The following ZPLD1 variants were observed in gnomAD, a reference collection of about 807,000 sequenced individuals.
The protein encoded by ZPLD1 is zona pellucida-like domain-containing protein 1.
Under a neutral mutation model 47.2 loss-of-function variants are expected in ZPLD1, and 34 were observed. The observed-to-expected ratio is 0.72, with a 90% CI of 0.55 to 0.96. The LOEUF is 0.96. Ranked by LOEUF, ZPLD1 falls within the 40% of genes least tolerant of loss-of-function variation. The pLI, the probability that ZPLD1 is intolerant of heterozygous loss-of-function variation, is 0.00. For missense variants in ZPLD1, 512 were observed against 505.8 expected (o/e 1.01, Z -0.12); for synonymous variants, 176 against 186.2 (o/e 0.95, Z 0.45).
chr3:102,424,821 A>C lies in ZPLD1; in HGVS notation c.-9+6614A>C, dbSNP rs374620947. 1.5e-4 allele frequency among the ~76,000 whole-genome samples: 23 copies of C among 152,258 alleles called. No homozygotes were observed. In the South Asian group the frequency reaches 4.8e-3, roughly 32 times the overall value. On this transcript the variant is annotated intron_variant, in intron 8 of 17. Transcript: ENST00000491959. ...TTTCTATTTGCTCCTATACTATGCAATCCTATTCTATTTCATGAAAAATGC... is the reference window on the plus strand; with the variant it reads ...TTTCTATTTGCTCCTATACTATGCACTCCTATTCTATTTCATGAAAAATGC...
In ZPLD1 at chr3:102,468,999, A is replaced by G. The variant is rs1263407885; in HGVS notation, c.797A>G (p.Asn266Ser). 1.2e-6 allele frequency: 2 copies of G among 1,614,008 alleles called. No homozygotes were observed. The highest frequency in any genetic ancestry group is 1.7e-6 in the Non-Finnish European group (2 of 1,179,968). ...DKDPQTTVIE[N>S]GRSQRGRFSF... ...GACCCTCAGACCACCGTCATTGAGAATGGCCGAAGCCAGCGGGGCCGGTTT... is the reference window on the plus strand; with the variant it reads ...GACCCTCAGACCACCGTCATTGAGAGTGGCCGAAGCCAGCGGGGCCGGTTT... Residue 266 changes from asparagine to serine, a missense_variant, in exon 9 of 12, where the codon AAT becomes AGT. By Grantham distance (46) the Asn-to-Ser change is conservative. Coordinates refer to ENST00000466937, the MANE Select transcript of ZPLD1 (RefSeq NM_001329788.2).
chr3:102,402,501 A>G (rs528916448), intron 7 of ZPLD1, among the ~76,000 whole-genome samples: 6 of 152,182 alleles, frequency 3.9e-5, no homozygotes, highest in African/African-American at 1.4e-4. Context: ...TGAGGATCTC[A>G]GAAATACAGT....
At position 102,415,230 on chromosome 3, in the gene ZPLD1, A is replaced by G. The variant is rs1038817834; in HGVS notation, c.-156-2830A>G. Reference sequence around the variant, plus strand: ...TTTTGTAAGTAACTGAAAAGCCTATAGCTCTCCTATAATTTAGCTCTGCAG... The same window carrying G: ...TTTTGTAAGTAACTGAAAAGCCTATGGCTCTCCTATAATTTAGCTCTGCAG... On this transcript the variant is annotated intron_variant, in intron 7 of 17. Transcript: ENST00000491959. Among the ~76,000 whole-genome samples, 33 of 151,852 alleles carry G rather than the reference A, an allele frequency of 2.2e-4. 1 individual carries two copies. Among genetic ancestry groups the G allele is most frequent in the Non-Finnish European group, 2.9e-5 (2 of 67,880 alleles).
At position 102,477,456 on chromosome 3, in the gene ZPLD1, G is replaced by A. The variant is rs140417136; in HGVS notation, c.1086G>A (p.Met362Ile). Residue 362 changes from methionine to isoleucine, a missense_variant, in exon 12 of 12, where the codon ATG becomes ATA. Met to Ile is a conservative substitution (Grantham distance 10). Transcript: ENST00000466937. ...TATTATTTGCAGGTTCTCCAAGTAT[G>A]CCTCCCTTCCAGCTGAACGCCATCA... ...TNNSQLGSPS[M>I]PPFQLNAITS... 3.7e-6 allele frequency: 6 copies of A among 1,612,000 alleles called. No individual in the cohort carries two copies. The highest frequency in any genetic ancestry group is 5.1e-6 in the Non-Finnish European group (6 of 1,179,276).
At chr3:102,456,750 T>G (rs915083612) in intron 5 of ZPLD1, among the ~76,000 whole-genome samples, 2 of 152,210 alleles carry the variant, frequency 1.3e-5, no homozygotes, top group East Asian at 3.8e-4. Flanking sequence ...GTCTCCAGTG[T>G]GTACGACATT....
chr3:102,425,711 T>G (rs974320016), intron 8 of ZPLD1, among the ~76,000 whole-genome samples: 4 of 152,120 alleles, frequency 2.6e-5, no homozygotes, highest in African/African-American at 9.7e-5. Context: ...TATAATTTTC[T>G]TAGATTATGT....
chr3:102,458,478 A>G (rs1707453777), intron 6 of ZPLD1, among the ~76,000 whole-genome samples: 1 of 152,236 alleles, frequency 6.6e-6, no homozygotes, highest in Non-Finnish European at 1.5e-5. Flanking sequence ...ATTTTTATTC[A>G]TACATTTTAA....
chr3:102,393,941 C>A (rs1706529920), intron 7 of ZPLD1, among the ~76,000 whole-genome samples: 1 of 152,060 alleles, frequency 6.6e-6, no homozygotes, highest in African/African-American at 2.4e-5. Flanking sequence ...TTGAAAATTG[C>A]TGTGGAGCTT....
intron 10 of ZPLD1, among the ~76,000 whole-genome samples, chr3:102,473,101 A>G (rs1707709307): frequency 6.6e-6 from 1 of 152,222 alleles, no homozygotes; most frequent in Non-Finnish European, 1.5e-5. Context: ...TTATGAGAAC[A>G]GCATGGGAAA....
At chr3:102,388,012 C>A (rs1384984549) in intron 6 of ZPLD1, among the ~76,000 whole-genome samples, 2 of 152,036 alleles carry the variant, frequency 1.3e-5, no homozygotes, top group African/African-American at 4.8e-5. Context: ...AGGCGCCCGC[C>A]ACCACGCCCA....
intron 7 of ZPLD1, among the ~76,000 whole-genome samples, chr3:102,398,556 A>G (rs1706582754): frequency 6.6e-6 from 1 of 152,032 alleles, no homozygotes; most frequent in African/African-American, 2.4e-5. Flanking sequence ...TCTTCCTAAA[A>G]CACTGTTTTG....
chr3:102,410,315 C>T (rs1244329320), intron 7 of ZPLD1, among the ~76,000 whole-genome samples: 1 of 151,686 alleles, frequency 6.6e-6, no homozygotes, highest in Non-Finnish European at 1.5e-5. Context: ...GAGTGGAGTT[C>T]AGAATCAGTA....
Position 102,477,771 on chromosome 3 carries a change from AAAG to A in ZPLD1, c.*157_*159del. 1 of 683,606 alleles carries A rather than the reference AAAG, an allele frequency of 1.5e-6. No individual in the cohort carries two copies. The highest frequency in any genetic ancestry group is 3.2e-5 in the East Asian group (1 of 31,724). 42.3% of individuals were successfully genotyped at this position (683,606 alleles called of 1,614,324 possible). The stretch of plus-strand genomic sequence containing the variant: ...ATAGCTTGTCAGCATAATGATAGTG[AAAG>A]AAGTTTATTATATTGCTATTGTCAC... On this transcript the variant is annotated 3_prime_UTR_variant, in exon 12 of 12. Transcript: ENST00000466937.
At chr3:102,397,106 A>G (rs1171442283) in intron 7 of ZPLD1, among the ~76,000 whole-genome samples, 1 of 152,158 alleles carries the variant, frequency 6.6e-6, no homozygotes, top group Non-Finnish European at 1.5e-5. Flanking sequence ...TTGCTTTTGA[A>G]TAAATTCCAC....
chr3:102,462,254 A>G (rs1707517769), intron 6 of ZPLD1, 27 bp from the exon 7 acceptor site: 2 of 1,461,042 alleles, frequency 1.4e-6, no homozygotes, highest in East Asian at 2.3e-5. Flanking sequence ...GGAGGTAATA[A>G]TAGATTTTTT....
At chr3:102,388,429 G>GTCTCTCTC (rs71781267) in intron 6 of ZPLD1, among the ~76,000 whole-genome samples, 1,417 of 135,904 alleles carry the variant, frequency 0.01, 13 homozygotes, top group Middle Eastern at 0.041. Flanking sequence ...CTCTCCTGGA[G>GTCTCTCTC]TCTCTCTCTC....
At chr3:102,443,439 TAG>T (rs1707211262) in intron 3 of ZPLD1, among the ~76,000 whole-genome samples, 1 of 152,186 alleles carries the variant, frequency 6.6e-6, no homozygotes, top group African/African-American at 2.4e-5. Flanking sequence ...TGCAAATTAA[TAG>T]AGATTCTTTC....
At chr3:102,456,974 G>A (rs1707426587) in intron 5 of ZPLD1, among the ~76,000 whole-genome samples, 1 of 152,176 alleles carries the variant, frequency 6.6e-6, no homozygotes, top group Non-Finnish European at 1.5e-5. Context: ...ATTCACGTAT[G>A]CATTATTTCC....
At chr3:102,404,013 A>G (rs1706654250) in intron 7 of ZPLD1, among the ~76,000 whole-genome samples, 1 of 151,982 alleles carries the variant, frequency 6.6e-6, no homozygotes, top group Non-Finnish European at 1.5e-5. Flanking sequence ...AGTTGCCCAG[A>G]TGGTATTACT....
Sources: allele counts gnomAD v4.1 joint callset (sites outside exome capture counted in the v4.1 genomes callset), GRCh38; gene constraint gnomAD v4.1.1; transcripts MANE v1.5; gene names NCBI Gene and HGNC (gene_info 2026-07-23, HGNC 2026-07-21).